NALF1: variants seen among roughly 807,000 people sequenced by gnomAD.
NALF1 encodes NALCN channel auxiliary factor 1.
A neutral mutation model predicts 48.4 loss-of-function variants in NALF1; 3 were observed. That is an observed-to-expected ratio of 0.06 (90% confidence interval 0.03 to 0.16). NALF1 has a LOEUF of 0.16. Among genes scored for constraint, NALF1 ranks in the 10% least tolerant of loss-of-function variants. NALF1 has a pLI of 1.00. For missense variants in NALF1, 526 were observed against 571.5 expected (o/e 0.92, Z 0.81); for synonymous variants, 262 against 245.7 (o/e 1.07, Z -0.62).
chr13:107,823,542 T>G (rs1879419344), intron 1 of NALF1, among the ~76,000 whole-genome samples: 1 of 152,210 alleles, frequency 6.6e-6, no homozygotes. Flanking sequence ...CAAGGTCCTC[T>G]GTGCTCTGGT....
At chr13:107,823,031 T>G (rs905556167) in intron 1 of NALF1, among the ~76,000 whole-genome samples, 3 of 152,178 alleles carry the variant, frequency 2.0e-5, no homozygotes, top group Non-Finnish European at 4.4e-5. Flanking sequence ...TCTCTGTAAA[T>G]GTGCTTGGAC....
At chr13:107,821,517 C>G (rs531667407) in intron 1 of NALF1, among the ~76,000 whole-genome samples, 1 of 152,304 alleles carries the variant, frequency 6.6e-6, no homozygotes, top group East Asian at 1.9e-4. Flanking sequence ...AAACCCATAA[C>G]CTTAGTCTAT....
intron 1 of NALF1, among the ~76,000 whole-genome samples, chr13:107,316,133 C>T (rs974383088): frequency 7.9e-5 from 12 of 151,858 alleles, no homozygotes; most frequent in Non-Finnish European, 1.6e-4. Context: ...CACCAACGAG[C>T]GAGAACATGC....
At chr13:107,476,416 A>G (rs976554029) in intron 1 of NALF1, among the ~76,000 whole-genome samples, 1 of 152,168 alleles carries the variant, frequency 6.6e-6, no homozygotes, top group East Asian at 1.9e-4. Flanking sequence ...TGTGTAATGT[A>G]TAAGAAAATT....
At chr13:107,555,439 A>ATTTTTTTTTTTTTTTTTTTT (rs34486058) in intron 1 of NALF1, among the ~76,000 whole-genome samples, 1 of 69,958 alleles carries the variant, frequency 1.4e-5, no homozygotes, top group Non-Finnish European at 2.7e-5. Context: ...AGCCTGGCTA[A>ATTTTTTTTTTTTTTTTTTTT]TTTTTTTTTT....
In NALF1 at chr13:107,607,272, G is replaced by A. The variant is rs9559093; in HGVS notation, c.915+258410C>T. Among the ~76,000 whole-genome samples, 3,189 of 152,190 alleles carry A rather than the reference G, an allele frequency of 0.021. 216 individuals carry two copies. The East Asian group carries it at 0.26, about 12-fold the overall frequency. Reference sequence around the variant, plus strand: ...AGTAAAACATTAGGAATTTAAGTACGCAGGTCTTAAAAGATTGTAGGCTTA... The same window carrying A: ...AGTAAAACATTAGGAATTTAAGTACACAGGTCTTAAAAGATTGTAGGCTTA... On this transcript the variant is annotated intron_variant, in intron 1 of 2. Transcript: ENST00000375915.
At chr13:107,289,980 A>C (rs1021789454) in intron 1 of NALF1, among the ~76,000 whole-genome samples, 1 of 152,174 alleles carries the variant, frequency 6.6e-6, no homozygotes, top group Non-Finnish European at 1.5e-5. Context: ...AACTTTCAGG[A>C]GAACAAGGGT....
intron 1 of NALF1, among the ~76,000 whole-genome samples, chr13:107,688,172 A>G (rs1287437136): frequency 6.6e-6 from 1 of 152,174 alleles, no homozygotes; most frequent in Non-Finnish European, 1.5e-5. Context: ...CTAATGACAC[A>G]GGCACTGTTA....
chr13:107,622,255 C>T (rs956095088), intron 1 of NALF1, among the ~76,000 whole-genome samples: 1 of 151,726 alleles, frequency 6.6e-6, no homozygotes, highest in Admixed American at 6.6e-5. Flanking sequence ...ATGGAGAAAC[C>T]CCGTCTCTAC....
At chr13:107,191,034 C>T (rs1304159438) in intron 2 of NALF1, among the ~76,000 whole-genome samples, 2 of 152,096 alleles carry the variant, frequency 1.3e-5, no homozygotes, top group South Asian at 2.1e-4. Flanking sequence ...TGTCAGTTGC[C>T]AAACAGAATA....
intron 1 of NALF1, among the ~76,000 whole-genome samples, chr13:107,577,625 T>C (rs920046248): frequency 6.6e-6 from 1 of 152,212 alleles, no homozygotes; most frequent in East Asian, 1.9e-4. Flanking sequence ...TGATCCTAAG[T>C]GTTCTTGCCT....
At chr13:107,380,363 T>C (rs1473955936) in intron 1 of NALF1, among the ~76,000 whole-genome samples, 1 of 152,210 alleles carries the variant, frequency 6.6e-6, no homozygotes, top group Admixed American at 6.5e-5. Context: ...AGGCTTTATA[T>C]ACAAATTGTC....
At chr13:107,281,001 C>T (rs769175396) in intron 1 of NALF1, among the ~76,000 whole-genome samples, 8 of 152,164 alleles carry the variant, frequency 5.3e-5, no homozygotes, top group Non-Finnish European at 7.4e-5. Flanking sequence ...AACTATGATG[C>T]ATGTCTATCT....
intron 1 of NALF1, among the ~76,000 whole-genome samples, chr13:107,549,365 T>C (rs972582895): frequency 6.6e-6 from 1 of 152,192 alleles, no homozygotes; most frequent in Non-Finnish European, 1.5e-5. Context: ...ACCTGAAATT[T>C]TTAAGAGGTT....
chr13:107,552,972 A>C, intron 1 of NALF1, among the ~76,000 whole-genome samples: 1 of 152,178 alleles, frequency 6.6e-6, no homozygotes, highest in Non-Finnish European at 1.5e-5. Flanking sequence ...CTACGAAATC[A>C]GTAGTTAAAA....
chr13:107,671,684 A>G (rs1451515556), intron 1 of NALF1, among the ~76,000 whole-genome samples: 2 of 152,172 alleles, frequency 1.3e-5, no homozygotes. Context: ...TTTATTTTGG[A>G]GAATAAATTA....
chr13:107,389,192 C>T (rs531134138), intron 1 of NALF1, among the ~76,000 whole-genome samples: 1 of 152,284 alleles, frequency 6.6e-6, no homozygotes, highest in Admixed American at 6.5e-5. Flanking sequence ...CGGCTCACTT[C>T]GACACTCCGG....
intron 1 of NALF1, among the ~76,000 whole-genome samples, chr13:107,454,560 G>T (rs970401027): frequency 5.9e-5 from 9 of 152,092 alleles, no homozygotes; most frequent in Non-Finnish European, 1.0e-4. Context: ...GACACATGGG[G>T]ATTATAGGGA....
At chr13:107,839,393 C>T (rs961949464) in intron 1 of NALF1, among the ~76,000 whole-genome samples, 1 of 148,874 alleles carries the variant, frequency 6.7e-6, no homozygotes. Flanking sequence ...ATTTAAATCA[C>T]TTATTATTTT....
Sources: gnomAD v4.1 joint callset for allele counts (sites outside exome capture counted in the v4.1 genomes callset) on GRCh38, gnomAD v4.1.1 for gene constraint, MANE v1.5 for transcripts, NCBI Gene and HGNC (gene_info 2026-07-23, HGNC 2026-07-21) for gene names.